The following BCHE variants were observed in gnomAD, a reference collection of about 807,000 sequenced individuals.
BCHE encodes cholinesterase.
Under a neutral mutation model 51.3 loss-of-function variants are expected in BCHE, and 48 were observed. That is an observed-to-expected ratio of 0.94 (90% CI 0.74 to 1.19). The LOEUF (loss-of-function observed/expected upper bound fraction) is 1.19, where lower values mean the gene tolerates loss of function less well. Among genes scored for constraint, BCHE ranks in the 50% most tolerant of loss-of-function variants. BCHE has a pLI of 0.00. For synonymous variants in BCHE, 251 were observed against 238.0 expected (o/e 1.05, Z -0.50); for missense variants, 847 against 708.2 (o/e 1.20, Z -2.23).
intron 1 of BCHE, among the ~76,000 whole-genome samples, chr3:165,835,317 G>T (rs1715151811): frequency 6.6e-6 from 1 of 151,622 alleles, no homozygotes; most frequent in Admixed American, 6.6e-5. Context: ...TGTATAAAGA[G>T]CTATTTTTTG....
intron 2 of BCHE, among the ~76,000 whole-genome samples, chr3:165,802,628 GT>G (rs57147802): frequency 0.016 from 2,138 of 137,060 alleles, 30 homozygotes; most frequent in African/African-American, 0.036. Context: ...AGGAAAATTT[GT>G]TTTTTTTTTT....
chr3:165,808,911 AT>A (rs1223799974), intron 2 of BCHE, among the ~76,000 whole-genome samples: 1 of 152,216 alleles, frequency 6.6e-6, no homozygotes, highest in African/African-American at 2.4e-5. Flanking sequence ...CTGCAGAAAA[AT>A]GCTAAATATA....
At chr3:165,818,057 C>T (rs1714374731) in intron 2 of BCHE, among the ~76,000 whole-genome samples, 1 of 152,022 alleles carries the variant, frequency 6.6e-6, no homozygotes, top group African/African-American at 2.4e-5. Context: ...TCATGACTTT[C>T]ATTCAAAAAT....
intron 2 of BCHE, among the ~76,000 whole-genome samples, chr3:165,799,643 C>T (rs75084295): frequency 6.8e-4 from 104 of 152,078 alleles, no homozygotes; most frequent in African/African-American, 2.2e-3. Flanking sequence ...GTTTTGTTAC[C>T]ATAAACATAT....
chr3:165,828,459 T>C (rs866649450), intron 2 of BCHE, among the ~76,000 whole-genome samples: 1 of 152,094 alleles, frequency 6.6e-6, no homozygotes, highest in Non-Finnish European at 1.5e-5. Flanking sequence ...ACAACTGATA[T>C]TGTAGAAACA....
At chr3:165,786,919 T>C (rs1357341128) in intron 2 of BCHE, among the ~76,000 whole-genome samples, 3 of 151,830 alleles carry the variant, frequency 2.0e-5, no homozygotes, top group Non-Finnish European at 4.4e-5. Flanking sequence ...TTAATGAACA[T>C]GGTACCACCC....
chr3:165,800,925 C>T (rs1713614044), intron 2 of BCHE, among the ~76,000 whole-genome samples: 1 of 151,454 alleles, frequency 6.6e-6, no homozygotes, highest in Admixed American at 6.6e-5. Flanking sequence ...GTAGTAATAT[C>T]ATCTATGAAG....
At chr3:165,796,901 G>A (rs182746006) in intron 2 of BCHE, among the ~76,000 whole-genome samples, 1 of 152,172 alleles carries the variant, frequency 6.6e-6, no homozygotes, top group African/African-American at 2.4e-5. Context: ...TTAGTACACT[G>A]TTGGTATGAT....
At chr3:165,782,745 T>G (rs148533512) in intron 3 of BCHE, among the ~76,000 whole-genome samples, 55 of 152,294 alleles carry the variant, frequency 3.6e-4, no homozygotes, top group African/African-American at 1.3e-3. Context: ...CAGATTATAC[T>G]TCCATCTAAG....
intron 2 of BCHE, among the ~76,000 whole-genome samples, chr3:165,788,480 A>C (rs1355699559): frequency 6.6e-6 from 1 of 152,100 alleles, no homozygotes; most frequent in Non-Finnish European, 1.5e-5. Flanking sequence ...TCCAGATCAC[A>C]GATGGCACAA....
chr3:165,817,615 T>C (rs1029949381), intron 2 of BCHE, among the ~76,000 whole-genome samples: 3 of 152,096 alleles, frequency 2.0e-5, no homozygotes, highest in African/African-American at 7.2e-5. Flanking sequence ...TCCCCAGATA[T>C]TCACATGATT....
intron 2 of BCHE, among the ~76,000 whole-genome samples, chr3:165,802,460 C>T (rs544001930): frequency 6.6e-6 from 1 of 152,166 alleles, no homozygotes; most frequent in South Asian, 2.1e-4. Flanking sequence ...AAGAGTAGGA[C>T]CAGGGAGACT....
intron 3 of BCHE, among the ~76,000 whole-genome samples, chr3:165,779,692 G>C (rs1240568609): frequency 6.6e-6 from 1 of 152,022 alleles, no homozygotes; most frequent in Admixed American, 6.6e-5. Context: ...AACTATGTAG[G>C]AACACAGCTA....
At chr3:165,811,682 T>A (rs1209219583) in intron 2 of BCHE, among the ~76,000 whole-genome samples, 1 of 152,030 alleles carries the variant, frequency 6.6e-6, no homozygotes, top group African/African-American at 2.4e-5. Flanking sequence ...TAATTTAGAA[T>A]AATATTTCCT....
At chr3:165,787,905 T>C (rs1032771220) in intron 2 of BCHE, among the ~76,000 whole-genome samples, 1 of 151,986 alleles carries the variant, frequency 6.6e-6, no homozygotes. Context: ...CTATAAAGTT[T>C]TTCAGCCTTT....
chr3:165,810,234 G>A (rs1442219005), intron 2 of BCHE, among the ~76,000 whole-genome samples: 1 of 152,120 alleles, frequency 6.6e-6, no homozygotes, highest in Admixed American at 6.6e-5. Flanking sequence ...CCCAGTGTGA[G>A]GTAAGGATAT....
intron 2 of BCHE, among the ~76,000 whole-genome samples, chr3:165,797,555 C>A (rs942066433): frequency 6.6e-6 from 1 of 151,728 alleles, no homozygotes; most frequent in African/African-American, 2.4e-5. Flanking sequence ...GCCTAATGAT[C>A]TGTAGAAAGC....
intron 2 of BCHE, among the ~76,000 whole-genome samples, chr3:165,806,488 T>C (rs970358075): frequency 1.3e-5 from 2 of 152,176 alleles, no homozygotes; most frequent in African/African-American, 2.4e-5. Context: ...ACCTCAGTGA[T>C]GGTAGGCCTG....
chr3:165,783,206 C>G (rs923240345), intron 3 of BCHE, among the ~76,000 whole-genome samples: 10 of 152,048 alleles, frequency 6.6e-5, no homozygotes, highest in Non-Finnish European at 1.3e-4. Flanking sequence ...TTAAACTTAT[C>G]ATGGAATGCA....
Sources: allele counts gnomAD v4.1 joint callset (sites outside exome capture counted in the v4.1 genomes callset), GRCh38; gene constraint gnomAD v4.1.1; transcripts MANE v1.5; gene names NCBI Gene and HGNC (gene_info 2026-07-23, HGNC 2026-07-21).